DGKH: variants seen among roughly 807,000 people sequenced by gnomAD.
DGKH encodes diacylglycerol kinase eta, also known as DAG kinase eta.
Under a neutral mutation model 159.3 loss-of-function variants are expected in DGKH, and 90 were observed. The ratio of observed to expected loss-of-function variants is 0.57; its 90% CI spans 0.48 to 0.67. The LOEUF (loss-of-function observed/expected upper bound fraction) is 0.67, where lower values mean the gene tolerates loss of function less well. Among genes scored for constraint, DGKH ranks in the 30% least tolerant of loss-of-function variants. The pLI is 0.00. For missense variants in DGKH, 1,181 were observed against 1,506.1 expected, an observed-to-expected ratio of 0.78 and a Z score of 3.57; for synonymous variants, 536 against 553.8, an observed-to-expected ratio of 0.97 and a Z score of 0.45.
At chr13:42,128,560 C>G (rs1422904237) in intron 2 of DGKH, among the ~76,000 whole-genome samples, 5 of 152,114 alleles carry the variant, frequency 3.3e-5, no homozygotes. Context: ...ACTAGGATGA[C>G]TTTTCCTTTT....
chr13:42,045,113 CA>C (rs1407203612), upstream of DGKH, among the ~76,000 whole-genome samples: 3 of 151,992 alleles, frequency 2.0e-5, no homozygotes, highest in East Asian at 5.8e-4. Flanking sequence ...GGAAGATGAC[CA>C]GGGGGAGATG....
chr13:42,218,521 T>C (rs1358478374), intron 26 of DGKH, among the ~76,000 whole-genome samples: 1 of 149,732 alleles, frequency 6.7e-6, no homozygotes, highest in Non-Finnish European at 1.5e-5. Context: ...TTTTTTTTTT[T>C]TTTGAGTCAG....
In DGKH at chr13:42,214,579, T is replaced by C; in HGVS notation, c.3087T>C (p.His1029=). Residue 1029 remains histidine, a synonymous_variant, in exon 25 of 30, where the codon CAT becomes CAC. Coordinates refer to ENST00000337343, the MANE Select transcript of DGKH (RefSeq NM_178009.5). ...CCCATGCTGTGAATGCCTGCTCCCATGCCCTGAATAAAGCCAACCCAAGGT... is the reference window on the plus strand; with the variant it reads ...CCCATGCTGTGAATGCCTGCTCCCACGCCCTGAATAAAGCCAACCCAAGGT... ...ELAHAVNACS[H]ALNKANPRCP... The C allele has an allele frequency of 1.2e-6, 2 of 1,613,812 alleles. No homozygotes were observed. The highest frequency in any genetic ancestry group is 1.3e-5 in the African/African-American group (1 of 75,040).
intron 20 of DGKH, 146 bp downstream of exon 20, chr13:42,200,055 T>A: frequency 1.5e-6 from 1 of 657,790 alleles, no homozygotes; most frequent in Non-Finnish European, 2.5e-6. Context: ...AACTTTGTAC[T>A]AAAGGAAGTA....
At chr13:42,105,873 G>A (rs1157571421) in intron 1 of DGKH, among the ~76,000 whole-genome samples, 1 of 152,128 alleles carries the variant, frequency 6.6e-6, no homozygotes, top group Non-Finnish European at 1.5e-5. Context: ...AGCACTCTCA[G>A]CACTTCCTGG....
chr13:42,217,553 G>A (rs2209514), intron 26 of DGKH, among the ~76,000 whole-genome samples: 22,858 of 151,466 alleles, frequency 0.15, 1,897 homozygotes, highest in Admixed American at 0.24. Context: ...AAGAATCTCC[G>A]TATTTTTAAT....
chr13:42,248,743 T>A (rs1958600059), intron 29 of DGKH, among the ~76,000 whole-genome samples: 1 of 151,664 alleles, frequency 6.6e-6, no homozygotes, highest in African/African-American at 2.4e-5. Flanking sequence ...GATACACAAA[T>A]ACCATTTTAT....
At chr13:42,073,415 C>T (rs577257512) in intron 1 of DGKH, among the ~76,000 whole-genome samples, 5 of 152,262 alleles carry the variant, frequency 3.3e-5, no homozygotes, top group Admixed American at 6.5e-5. Flanking sequence ...TTCAAATTTA[C>T]GGTGGCAAAA....
In DGKH at chr13:42,230,802, A is replaced by G. The variant is rs1958271459; in HGVS notation, c.*1614A>G. Reference sequence around the variant, plus strand: ...TAGACAATTATTTCCCCAGTGTTTAAAGAGAAATACTAATAGGCGAGCATT... The same window carrying G: ...TAGACAATTATTTCCCCAGTGTTTAGAGAGAAATACTAATAGGCGAGCATT... On this transcript the variant is annotated 3_prime_UTR_variant, in exon 30 of 30. Transcript: ENST00000337343. The G allele has an allele frequency of 6.6e-6, 1 of 152,142 alleles. No individual in the cohort carries two copies. The highest frequency in any genetic ancestry group is 1.5e-5 in the Non-Finnish European group (1 of 68,016). 9.4% of individuals were successfully genotyped at this position (152,142 alleles called of 1,614,324 possible). A position where few individuals can be genotyped will look rare whatever the true frequency, so the allele number is the denominator to read the frequency against.
rs542837553 is a variant in DGKH at position 42,055,616 on chromosome 13, T to TG, written c.192+6655dup. Among the ~76,000 whole-genome samples, 11 of 152,358 alleles carry TG rather than the reference T, an allele frequency of 7.2e-5. No homozygotes were observed. The East Asian group carries it at 2.1e-3, about 29-fold the overall frequency. On this transcript the variant is annotated intron_variant, in intron 1 of 29. Coordinates refer to ENST00000337343, the MANE Select transcript of DGKH (RefSeq NM_178009.5). Reference sequence around the variant, plus strand: ...TATGAAACTACCAGTATAAAGGACGTGGGGCCCCGTTCTGTTTCCAGGGTA... The same window carrying TG: ...TATGAAACTACCAGTATAAAGGACGTGGGGGCCCCGTTCTGTTTCCAGGGTA...
chr13:42,134,734 G>A (rs1469122033), intron 3 of DGKH, among the ~76,000 whole-genome samples: 1 of 152,154 alleles, frequency 6.6e-6, no homozygotes, highest in Non-Finnish European at 1.5e-5. Context: ...TGGGCGTGGT[G>A]GCTCATGCCT....
upstream of DGKH, among the ~76,000 whole-genome samples, chr13:42,045,088 T>C (rs1329594649): frequency 1.3e-5 from 2 of 152,138 alleles, no homozygotes; most frequent in Non-Finnish European, 2.9e-5. Context: ...GGCCAGGAGT[T>C]TGAGACCATC....
At chr13:42,177,423 A>C (rs918424671) in intron 12 of DGKH, among the ~76,000 whole-genome samples, 1 of 152,166 alleles carries the variant, frequency 6.6e-6, no homozygotes, top group Admixed American at 6.5e-5. Flanking sequence ...TTTGTCATCT[A>C]TTCTACTATT....
At chr13:42,221,673 T>C (rs537667167) in intron 29 of DGKH, among the ~76,000 whole-genome samples, 1 of 152,354 alleles carries the variant, frequency 6.6e-6, no homozygotes, top group South Asian at 2.1e-4. Flanking sequence ...TGCTAGTATT[T>C]CCAAATGGAT....
intron 7 of DGKH, 35 bp from the exon 8 acceptor site, chr13:42,165,296 T>C: frequency 8.5e-7 from 1 of 1,171,562 alleles, no homozygotes; most frequent in Non-Finnish European, 1.2e-6. Flanking sequence ...AACATTATTT[T>C]TATGATTCTT....
At chr13:42,133,817 G>C (rs1955342309) in intron 3 of DGKH, among the ~76,000 whole-genome samples, 1 of 152,220 alleles carries the variant, frequency 6.6e-6, no homozygotes, top group Non-Finnish European at 1.5e-5. Context: ...GAACTTTCCA[G>C]GGTATAAAAT....
chr13:42,064,044 T>A (rs1882384485), intron 1 of DGKH, among the ~76,000 whole-genome samples: 1 of 151,934 alleles, frequency 6.6e-6, no homozygotes, highest in Non-Finnish European at 1.5e-5. Flanking sequence ...ACTGGAGCAA[T>A]GTCCTTATAT....
chr13:42,210,534 A>T, intron 23 of DGKH, 68 bp from the exon 24 acceptor site: 1 of 1,438,120 alleles, frequency 7.0e-7, no homozygotes, highest in Non-Finnish European at 9.4e-7. Context: ...TAGTTTTATT[A>T]AAGCACACAT....
At chr13:42,049,172 GC>G (rs1881055444) in intron 1 of DGKH, among the ~76,000 whole-genome samples, 2 of 143,834 alleles carry the variant, frequency 1.4e-5, no homozygotes, top group Admixed American at 6.8e-5. Flanking sequence ...GGCCTGGGGC[GC>G]GGGCGGGGCG....
Sources: gnomAD v4.1 joint callset for allele counts (sites outside exome capture counted in the v4.1 genomes callset) on GRCh38, gnomAD v4.1.1 for gene constraint, MANE v1.5 for transcripts, NCBI Gene and HGNC (gene_info 2026-07-23, HGNC 2026-07-21) for gene names.